The following EBF1 variants were observed in gnomAD, a reference collection of about 807,000 sequenced individuals.
EBF1 encodes the protein EBF transcription factor 1, also known as transcription factor COE1.
EBF1 carries 10 observed loss-of-function variants against 68.4 expected under a neutral mutation model. The ratio of observed to expected loss-of-function variants is 0.15; its 90% CI spans 0.09 to 0.25. EBF1 has a LOEUF of 0.25. Ranked by LOEUF, EBF1 falls within the 10% of genes least tolerant of loss-of-function variation. EBF1 has a pLI of 1.00. For synonymous variants in EBF1, 298 were observed against 299.8 expected, an observed-to-expected ratio of 0.99 and a Z score of 0.06; for missense variants, 509 against 794.4, an observed-to-expected ratio of 0.64 and a Z score of 4.32.
intron 8 of EBF1, among the ~76,000 whole-genome samples, chr5:158,800,306 G>A (rs1031436554): frequency 6.6e-6 from 1 of 152,144 alleles, no homozygotes; most frequent in African/African-American, 2.4e-5. Context: ...GTATGAGTAT[G>A]CATGCAGTTA....
At chr5:158,801,579 C>T (rs1212751427) in intron 8 of EBF1, among the ~76,000 whole-genome samples, 1 of 151,398 alleles carries the variant, frequency 6.6e-6, no homozygotes, top group East Asian at 1.9e-4. Flanking sequence ...GACTCTAATA[C>T]TACACCGTGA....
chr5:158,993,540 A>G (rs1361895515), intron 6 of EBF1, among the ~76,000 whole-genome samples: 2 of 152,244 alleles, frequency 1.3e-5, no homozygotes, highest in Non-Finnish European at 2.9e-5. Context: ...TACCATGATT[A>G]GTAGAGAAAA....
chr5:158,969,918 A>AAGAAAGAAAG lies in EBF1; in HGVS notation c.554+103477_554+103478insCTTTCTTTCT, dbSNP rs1282568991. Among the ~76,000 whole-genome samples, 221 of 53,014 alleles carry AAGAAAGAAAG rather than the reference A, an allele frequency of 4.2e-3. 6 individuals carry two copies. Among genetic ancestry groups the AAGAAAGAAAG allele is most frequent in the Middle Eastern group, 0.01 (1 of 98 alleles). 34.8% of individuals were successfully genotyped at this position (53,014 alleles called of 152,430 possible). On this transcript the variant is annotated intron_variant, in intron 6 of 15. Coordinates refer to ENST00000313708, the MANE Select transcript of EBF1 (RefSeq NM_024007.5). Reference sequence around the variant, plus strand: ...AAAGAAAGAAAGAAAGAAAGAAAGAAAAAAAAAAAAAAGGCTGCTGGAAGT... The same window carrying AAGAAAGAAAG: ...AAAGAAAGAAAGAAAGAAAGAAAGAAAGAAAGAAAGAAAAAAAAAAAAGGCTGCTGGAAGT...
intron 3 of EBF1, 79 bp from the exon 4 acceptor site, chr5:159,095,754 A>T (rs1041806747): frequency 6.8e-7 from 1 of 1,462,204 alleles, no homozygotes; most frequent in African/African-American, 1.4e-5. Flanking sequence ...TAACAACAAC[A>T]AAAAATAACA....
chr5:158,715,289 G>A (rs1288609311), intron 11 of EBF1, among the ~76,000 whole-genome samples: 1 of 152,198 alleles, frequency 6.6e-6, no homozygotes, highest in Non-Finnish European at 1.5e-5. Context: ...GAGAAGCAGT[G>A]CTGTTCAATT....
intron 14 of EBF1, among the ~76,000 whole-genome samples, chr5:158,710,894 ATC>A: frequency 6.6e-6 from 1 of 152,240 alleles, no homozygotes; most frequent in Non-Finnish European, 1.5e-5. Context: ...CATTTTACAC[ATC>A]AGAAGAGTCA....
chr5:158,735,906 G>A (rs1342198982), intron 10 of EBF1, among the ~76,000 whole-genome samples: 1 of 152,122 alleles, frequency 6.6e-6, no homozygotes, highest in African/African-American at 2.4e-5. Flanking sequence ...GTTCTACAAA[G>A]CTATAATCTC....
intron 6 of EBF1, among the ~76,000 whole-genome samples, chr5:159,066,123 T>C (rs1391389494): frequency 6.6e-6 from 1 of 152,188 alleles, no homozygotes; most frequent in East Asian, 1.9e-4. Context: ...GAAATAATCT[T>C]ATTGAGAGGA....
chr5:158,766,013 T>C (rs1047749096), intron 10 of EBF1, among the ~76,000 whole-genome samples: 7 of 152,192 alleles, frequency 4.6e-5, no homozygotes, highest in Non-Finnish European at 8.8e-5. Context: ...TAAAGCAAGA[T>C]GCTTTCTCAA....
At chr5:158,972,907 C>T (rs1301364870) in intron 6 of EBF1, among the ~76,000 whole-genome samples, 1 of 152,230 alleles carries the variant, frequency 6.6e-6, no homozygotes, top group Admixed American at 6.5e-5. Context: ...GTTTGCTTCC[C>T]CTAGCTATCC....
At chr5:159,098,375 G>T (rs892417394) in intron 1 of EBF1, among the ~76,000 whole-genome samples, 1 of 152,212 alleles carries the variant, frequency 6.6e-6, no homozygotes, top group African/African-American at 2.4e-5. Flanking sequence ...GGTGACAGGG[G>T]CTGGAGAAGA....
At chr5:158,925,723 AAAAC>A (rs1457504989) in intron 6 of EBF1, among the ~76,000 whole-genome samples, 24 of 152,262 alleles carry the variant, frequency 1.6e-4, no homozygotes, top group Admixed American at 4.6e-4. Context: ...CCTAAACAGG[AAAAC>A]AAACAAATAA....
At chr5:159,019,452 T>A (rs2127708276) in intron 6 of EBF1, among the ~76,000 whole-genome samples, 1 of 152,372 alleles carries the variant, frequency 6.6e-6, no homozygotes, top group African/African-American at 2.4e-5. Context: ...TAATAATTTA[T>A]GAAAACTGAT....
intron 6 of EBF1, among the ~76,000 whole-genome samples, chr5:159,071,055 C>G (rs959561005): frequency 6.6e-6 from 1 of 152,192 alleles, no homozygotes; most frequent in Non-Finnish European, 1.5e-5. Context: ...TCTCTTCTCT[C>G]GCTGTTAAGA....
chr5:158,894,818 G>A (rs185971494), intron 6 of EBF1, among the ~76,000 whole-genome samples: 196 of 152,292 alleles, frequency 1.3e-3, no homozygotes, highest in Non-Finnish European at 2.4e-3. Context: ...AGATGGGCCA[G>A]TGCACAGAAA....
At chr5:158,761,449 A>G (rs903688371) in intron 10 of EBF1, among the ~76,000 whole-genome samples, 5 of 152,328 alleles carry the variant, frequency 3.3e-5, no homozygotes, top group African/African-American at 1.2e-4. Context: ...CCTATGAAAT[A>G]ATGTGTGTTA....
chr5:159,020,606 T>C (rs1341155099), intron 6 of EBF1, among the ~76,000 whole-genome samples: 1 of 152,214 alleles, frequency 6.6e-6, no homozygotes, highest in Non-Finnish European at 1.5e-5. Context: ...CCTCACCTAC[T>C]TTGTCTCTTC....
At chr5:158,927,653 GC>G (rs1449022940) in intron 6 of EBF1, among the ~76,000 whole-genome samples, 1 of 152,178 alleles carries the variant, frequency 6.6e-6, no homozygotes, top group Non-Finnish European at 1.5e-5. Context: ...AATATTGGCA[GC>G]CAAGTTCCCA....
At chr5:158,769,063 G>A (rs977918906) in intron 10 of EBF1, among the ~76,000 whole-genome samples, 1 of 152,076 alleles carries the variant, frequency 6.6e-6, no homozygotes, top group Non-Finnish European at 1.5e-5. Flanking sequence ...TTTAGAAATG[G>A]CAACACATCT....
Sources: allele counts gnomAD v4.1 joint callset (sites outside exome capture counted in the v4.1 genomes callset), GRCh38; gene constraint gnomAD v4.1.1; transcripts MANE v1.5; gene names NCBI Gene and HGNC (gene_info 2026-07-23, HGNC 2026-07-21).